ADAMTS17: variants seen among roughly 807,000 people sequenced by gnomAD.
ADAMTS17 encodes ADAM metallopeptidase with thrombospondin type 1 motif 17.
In ADAMTS17, 113 loss-of-function variants were observed where a neutral mutation model predicts 141.5. The ratio of observed to expected loss-of-function variants is 0.80; its 90% confidence interval spans 0.69 to 0.93. The LOEUF is 0.93. ADAMTS17 is among the 40% of genes least tolerant of loss of function. The pLI, the probability that ADAMTS17 is intolerant of heterozygous loss-of-function variation, is 0.00. For missense variants in ADAMTS17, 1,659 were observed against 1,517.9 expected (o/e 1.09, Z -1.54); for synonymous variants, 768 against 630.6 (o/e 1.22, Z -3.27).
rs562263224 is a variant in ADAMTS17, at chr15:100,029,457, G to C, written c.2591+19400C>G. 1.2e-4 allele frequency among the ~76,000 whole-genome samples: 18 copies of C among 152,282 alleles called. No homozygotes were observed. The East Asian group carries it at 2.5e-3, about 21-fold the overall frequency. ...CTTTCATTCATCCATTTATGCCAGA[G>C]AGAGGAGAAATGGGGAGTGCTTTGT... On this transcript the variant is annotated intron_variant, in intron 18 of 21. Transcript: ENST00000268070.
chr15:100,341,460 C>T, intron 1 of ADAMTS17, 51 bp from the exon 2 acceptor site: 1 of 1,007,022 alleles, frequency 9.9e-7, no homozygotes, highest in Non-Finnish European at 1.2e-6. Context: ...CCCGGACGCC[C>T]GCCCTCCCGC....
At chr15:100,042,731 G>C (rs955596035) in intron 18 of ADAMTS17, among the ~76,000 whole-genome samples, 2 of 152,170 alleles carry the variant, frequency 1.3e-5, no homozygotes, top group African/African-American at 2.4e-5. Flanking sequence ...GGATCCCCTG[G>C]ACAAGGGGAT....
chr15:100,116,802 G>T (rs763903503), intron 13 of ADAMTS17, 45 bp downstream of exon 13: 48 of 1,613,464 alleles, frequency 3.0e-5, no homozygotes, highest in Non-Finnish European at 3.9e-5. Flanking sequence ...TATTCTTAGG[G>T]GAGGACAGGA....
chr15:99,972,515 T>C lies in ADAMTS17; in HGVS notation c.*1887A>G, dbSNP rs1019392865. On this transcript the variant is annotated 3_prime_UTR_variant, in exon 22 of 22. Coordinates refer to ENST00000268070, the MANE Select transcript of ADAMTS17 (RefSeq NM_139057.4). ...GTCTTTCAGTGAATTAACAGTTCAT[T>C]TGGGGATGAAGAAAATTGAACCTCA... The C allele has an allele frequency of 6.6e-6, 1 of 152,092 alleles. No homozygotes were observed. 9.4% of individuals were successfully genotyped at this position (152,092 alleles called of 1,614,324 possible).
At chr15:99,977,580 A>AT (rs993719842) in intron 20 of ADAMTS17, among the ~76,000 whole-genome samples, 36 of 149,642 alleles carry the variant, frequency 2.4e-4, no homozygotes, top group Middle Eastern at 3.4e-3. Flanking sequence ...CATCTGGCTA[A>AT]TTTTTTTGTA....
chr15:100,133,302 G>C lies in ADAMTS17; in HGVS notation c.1487C>G (p.Ala496Gly). The change falls in exon 11 of 22, where the codon GCT becomes GGT. Residue 496 changes from alanine (A) to glycine (G), a missense_variant. Coordinates refer to ENST00000268070, the MANE Select transcript of ADAMTS17 (RefSeq NM_139057.4). ...FCRNMEHLMC[A>G]GLWCLVEGDT... ...TCCTTCTACCAGGCACCACAGTCCAGCACACATTAGATGCTGCAGGACAAG... is the reference window on the plus strand; with the variant it reads ...TCCTTCTACCAGGCACCACAGTCCACCACACATTAGATGCTGCAGGACAAG... The C allele has an allele frequency of 1.9e-6, 3 of 1,588,284 alleles. No homozygotes were observed. Among genetic ancestry groups the C allele is most frequent in the Non-Finnish European group, 2.6e-6 (3 of 1,164,742 alleles).
rs529781709 is a variant in ADAMTS17, at chr15:100,092,638, C to A, written c.2137+3718G>T. ...ACGAGATTCCACACCCCACACTACA[C>A]AGAGCATGGAACCTGGCATGTGGCA... On this transcript the variant is annotated intron_variant, in intron 15 of 21. Transcript: ENST00000268070. Among the ~76,000 whole-genome samples, 6 of 152,346 alleles carry A rather than the reference C, an allele frequency of 3.9e-5. No homozygotes were observed. In the East Asian group the frequency reaches 1.2e-3, roughly 29 times the overall value.
chr15:99,971,513 T>C lies in ADAMTS17; in HGVS notation c.*2889A>G, dbSNP rs768332296. ...GATTAATTTTTCTATATAATTTTCA[T>C]GTATAATGGCGTCCAATGTTTGTCT... On this transcript the variant is annotated 3_prime_UTR_variant, in exon 22 of 22. Coordinates refer to ENST00000268070, the MANE Select transcript of ADAMTS17 (RefSeq NM_139057.4). The C allele has an allele frequency of 3.9e-5, 6 of 152,254 alleles. No homozygotes were observed. Among genetic ancestry groups the C allele is most frequent in the Non-Finnish European group, 5.9e-5 (4 of 68,038 alleles). 9.4% of individuals were successfully genotyped at this position (152,254 alleles called of 1,614,324 possible).
intron 15 of ADAMTS17, among the ~76,000 whole-genome samples, chr15:100,092,385 C>G (rs1167399051): frequency 6.6e-6 from 1 of 152,208 alleles, no homozygotes; most frequent in Non-Finnish European, 1.5e-5. Context: ...AGAGCCACAC[C>G]AAGCATGTCA....
At chr15:100,129,180 G>A (rs1218918187) in intron 12 of ADAMTS17, 3 of 152,160 alleles carry the variant, frequency 2.0e-5, no homozygotes, top group Non-Finnish European at 2.9e-5. Context: ...GACACGTAAC[G>A]TGCCAAGAAG....
intron 3 of ADAMTS17, among the ~76,000 whole-genome samples, chr15:100,289,683 T>C (rs1254945533): frequency 6.6e-6 from 1 of 152,208 alleles, no homozygotes; most frequent in Admixed American, 6.5e-5. Context: ...AACCAGGCTT[T>C]ATTCCTGGGA....
intron 18 of ADAMTS17, among the ~76,000 whole-genome samples, chr15:100,040,798 C>T (rs1380702470): frequency 3.9e-5 from 6 of 152,102 alleles, no homozygotes; most frequent in African/African-American, 1.4e-4. Flanking sequence ...AGGTGACATC[C>T]TGAAATTTGT....
Position 100,341,178 on chromosome 15 carries a change from G to C in ADAMTS17, c.311C>G (p.Ser104Cys). Residue 104 changes from serine to cysteine, a missense_variant, in exon 2 of 22, where the codon TCC (serine) becomes TGC (cysteine). Transcript: ENST00000268070. ...CGCCTCCTCCACCTCGAAGCCTCGGGACAGGAAGCGCAGGTCGCGGCGCAG... is the reference window on the plus strand; with the variant it reads ...CGCCTCCTCCACCTCGAAGCCTCGGCACAGGAAGCGCAGGTCGCGGCGCAG... ...LQLRRDLRFL[S>C]RGFEVEEAGA... 6.8e-7 allele frequency: 1 copy of C among 1,466,694 alleles called. No homozygotes were observed. Among genetic ancestry groups the C allele is most frequent in the Non-Finnish European group, 9.0e-7 (1 of 1,113,478 alleles). The allele number at this position is 1,466,694 out of a possible 1,614,324, so 90.9% of individuals were successfully genotyped here. A position where few individuals can be genotyped will look rare whatever the true frequency, so the allele number is the denominator to read the frequency against.
At chr15:100,278,763 C>G (rs900868919) in intron 4 of ADAMTS17, among the ~76,000 whole-genome samples, 1 of 152,206 alleles carries the variant, frequency 6.6e-6, no homozygotes, top group African/African-American at 2.4e-5. Context: ...TGGGGTTCCC[C>G]ACACCCAGTG....
intron 10 of ADAMTS17, among the ~76,000 whole-genome samples, chr15:100,147,892 G>C (rs545589122): frequency 6.6e-6 from 1 of 152,364 alleles, no homozygotes; most frequent in African/African-American, 2.4e-5. Context: ...GTCTCACTGA[G>C]CTAAAGCCAA....
Position 100,307,209 on chromosome 15 carries a change from G to A in ADAMTS17, c.616+23680C>T, listed in dbSNP as rs114634151. ...TACCCCAATGCTGTGTGATGACCAC[G>A]TTATAGGACAGGAAAAAAGACTCTG... is the stretch of plus-strand genomic sequence containing the variant. On this transcript the variant is annotated intron_variant, in intron 3 of 21. Transcript: ENST00000268070. 7.1e-3 allele frequency among the ~76,000 whole-genome samples: 1,078 copies of A among 152,260 alleles called. 10 individuals carry two copies. The highest frequency in any genetic ancestry group is 0.021 in the African/African-American group (888 of 41,534).
intron 7 of ADAMTS17, among the ~76,000 whole-genome samples, chr15:100,245,884 GGTGT>G (rs911827327): frequency 6.6e-6 from 1 of 152,182 alleles, no homozygotes; most frequent in African/African-American, 2.4e-5. Flanking sequence ...TGAGCGTAAA[GGTGT>G]GTGTGTACGT....
At chr15:100,145,476 CA>C (rs1319230344) in intron 10 of ADAMTS17, among the ~76,000 whole-genome samples, 1 of 152,180 alleles carries the variant, frequency 6.6e-6, no homozygotes, top group Non-Finnish European at 1.5e-5. Context: ...AATTTTGCAT[CA>C]AAGTTCCCTC....
chr15:100,079,874 C>T (rs1567138329), intron 15 of ADAMTS17, among the ~76,000 whole-genome samples: 1 of 152,152 alleles, frequency 6.6e-6, no homozygotes, highest in Non-Finnish European at 1.5e-5. Flanking sequence ...TGGGCTTATG[C>T]TCATGGAATT....
Sources: gnomAD v4.1 joint callset for allele counts (sites outside exome capture counted in the v4.1 genomes callset) on GRCh38, gnomAD v4.1.1 for gene constraint, MANE v1.5 for transcripts, NCBI Gene and HGNC (gene_info 2026-07-23, HGNC 2026-07-21) for gene names.